RASGRF2: variants seen among roughly 807,000 people sequenced by gnomAD.
The protein encoded by RASGRF2 is Ras protein specific guanine nucleotide releasing factor 2, also known as ras-specific guanine nucleotide-releasing factor 2.
A neutral mutation model predicts 151.0 loss-of-function variants in RASGRF2; 76 were observed. That is an observed-to-expected ratio of 0.50 (90% CI 0.42 to 0.61). The LOEUF is 0.61. Among genes scored for constraint, RASGRF2 ranks in the 20% least tolerant of loss-of-function variants. The pLI is 0.00. For synonymous variants in RASGRF2, 504 were observed against 566.5 expected, an observed-to-expected ratio of 0.89 and a Z score of 1.57; for missense variants, 1,148 against 1,564.6, an observed-to-expected ratio of 0.73 and a Z score of 4.49.
At chr5:81,167,701 A>G (rs1185750693) in intron 17 of RASGRF2, among the ~76,000 whole-genome samples, 1 of 152,178 alleles carries the variant, frequency 6.6e-6, no homozygotes. Context: ...GGCTGCCTCC[A>G]GGGCACATGA....
chr5:81,031,092 G>A (rs566331685), intron 1 of RASGRF2, among the ~76,000 whole-genome samples: 128 of 152,178 alleles, frequency 8.4e-4, no homozygotes, highest in African/African-American at 2.7e-3. Context: ...TTCAACAAGA[G>A]GAGCTAACTA....
At chr5:81,182,440 C>A (rs1754937408) in intron 18 of RASGRF2, among the ~76,000 whole-genome samples, 1 of 152,200 alleles carries the variant, frequency 6.6e-6, no homozygotes. Context: ...GAGTACACGA[C>A]CGTGTGCAGG....
intron 17 of RASGRF2, among the ~76,000 whole-genome samples, chr5:81,160,440 G>A (rs952838616): frequency 2.7e-5 from 4 of 150,278 alleles, no homozygotes; most frequent in Non-Finnish European, 5.9e-5. Flanking sequence ...TAATAGCTGA[G>A]GCAGACAGAT....
intron 18 of RASGRF2, among the ~76,000 whole-genome samples, chr5:81,189,834 C>G (rs967018755): frequency 1.3e-5 from 2 of 151,888 alleles, no homozygotes; most frequent in Non-Finnish European, 2.9e-5. Flanking sequence ...GCCTCAGCCT[C>G]CCAAGTAGCT....
intron 18 of RASGRF2, among the ~76,000 whole-genome samples, chr5:81,185,650 C>T (rs1755010389): frequency 6.6e-6 from 1 of 152,084 alleles, no homozygotes; most frequent in South Asian, 2.1e-4. Context: ...GGGCTGGGCT[C>T]CCCTTACACT....
chr5:81,047,927 A>G (rs1433119899), intron 2 of RASGRF2, among the ~76,000 whole-genome samples: 1 of 152,198 alleles, frequency 6.6e-6, no homozygotes, highest in African/African-American at 2.4e-5. Context: ...CCAAACACCC[A>G]GAACCTAATG....
At chr5:81,057,778 T>A (rs1249081748) in intron 2 of RASGRF2, among the ~76,000 whole-genome samples, 1 of 152,038 alleles carries the variant, frequency 6.6e-6, no homozygotes, top group Non-Finnish European at 1.5e-5. Flanking sequence ...GTGGATCACT[T>A]GAGCTCAGGA....
At chr5:81,154,340 T>A (rs868360418) in intron 17 of RASGRF2, among the ~76,000 whole-genome samples, 3 of 152,184 alleles carry the variant, frequency 2.0e-5, no homozygotes, top group African/African-American at 7.2e-5. Flanking sequence ...AATCTTGAAC[T>A]CCTGGGCTCA....
rs549526972 is a variant in RASGRF2, at chr5:81,082,202, A to G, written c.1161+1413A>G. On this transcript the variant is annotated intron_variant, in intron 7 of 26. Coordinates refer to ENST00000265080, the MANE Select transcript of RASGRF2 (RefSeq NM_006909.3). ...GCCCCCTGATGTCTTTCTTCGTGCT[A>G]TTTAATTCCCTCTTGGTGTGATTTT... Among the ~76,000 whole-genome samples the G allele has an allele frequency of 1.1e-4, 16 of 152,278 alleles. No homozygotes were observed. The East Asian group carries it at 2.5e-3, about 24-fold the overall frequency.
chr5:81,097,748 G>C (rs1442509571), intron 12 of RASGRF2, among the ~76,000 whole-genome samples: 2 of 152,174 alleles, frequency 1.3e-5, no homozygotes, highest in African/African-American at 4.8e-5. Flanking sequence ...TACCATGAAA[G>C]GCAGTGTGGC....
In RASGRF2 at chr5:80,995,131, C is replaced by A. The variant is rs550469420; in HGVS notation, c.288+34105C>A. ...ATCACCCAGGCGCAGTGGCGGGTGC[C>A]TGTAGTCCCAGCTACTTAGGAGGCT... On this transcript the variant is annotated intron_variant, in intron 1 of 26. Coordinates refer to ENST00000265080, the MANE Select transcript of RASGRF2 (RefSeq NM_006909.3). 2.1e-3 allele frequency among the ~76,000 whole-genome samples: 315 copies of A among 151,810 alleles called. 1 individual carries two copies. The highest frequency in any genetic ancestry group is 1.6e-3 in the Non-Finnish European group (111 of 67,946).
At chr5:81,091,079 G>C (rs1752375856) in intron 9 of RASGRF2, among the ~76,000 whole-genome samples, 1 of 152,056 alleles carries the variant, frequency 6.6e-6, no homozygotes, top group African/African-American at 2.4e-5. Flanking sequence ...GAATCCCCTG[G>C]CTACATCACT....
Position 81,207,359 on chromosome 5 carries a change from A to AC in RASGRF2, c.3071+16dup, listed in dbSNP as rs756424427. The AC allele has an allele frequency of 6.2e-6, 10 of 1,606,030 alleles. No homozygotes were observed. Among genetic ancestry groups the AC allele is most frequent in the Non-Finnish European group, 6.8e-6 (8 of 1,173,070 alleles). ...GAAGCATTCCCTACGAGTGAGTGCC[A>AC]CCCCCCACAGCAGCAGGGCTCGGCT... On this transcript the variant is annotated intron_variant, in intron 21 of 26. Coordinates refer to ENST00000265080, the MANE Select transcript of RASGRF2 (RefSeq NM_006909.3).
At chr5:81,197,211 C>G (rs895905419) in intron 18 of RASGRF2, among the ~76,000 whole-genome samples, 1 of 150,742 alleles carries the variant, frequency 6.6e-6, no homozygotes, top group African/African-American at 2.4e-5. Flanking sequence ...AATCCCAGCA[C>G]TTTGGGAGGC....
intron 1 of RASGRF2, among the ~76,000 whole-genome samples, chr5:80,996,502 TTCC>T (rs754279122): frequency 0.079 from 4,651 of 58,604 alleles, 539 homozygotes; most frequent in Non-Finnish European, 0.13. Context: ...CTTCTTCTTC[TTCC>T]TCCTCCTCCT....
At chr5:81,099,779 A>C (rs368279987) in intron 12 of RASGRF2, among the ~76,000 whole-genome samples, 1 of 152,080 alleles carries the variant, frequency 6.6e-6, no homozygotes, top group African/African-American at 2.4e-5. Flanking sequence ...TTGTCTTTTT[A>C]TACTAGGTAG....
chr5:81,132,198 C>T (rs1185373045), intron 17 of RASGRF2, among the ~76,000 whole-genome samples: 2 of 152,100 alleles, frequency 1.3e-5, no homozygotes, highest in Non-Finnish European at 2.9e-5. Flanking sequence ...ACTGCAGTAT[C>T]CCCAATATCT....
intron 2 of RASGRF2, among the ~76,000 whole-genome samples, chr5:81,059,678 C>G (rs1229694442): frequency 5.3e-5 from 8 of 151,842 alleles, no homozygotes; most frequent in African/African-American, 1.9e-4. Context: ...AACCCCGTCT[C>G]TACTAAAAAT....
chr5:81,058,779 A>C (rs1246873552), intron 2 of RASGRF2, among the ~76,000 whole-genome samples: 1 of 146,612 alleles, frequency 6.8e-6, no homozygotes, highest in Non-Finnish European at 1.5e-5. Context: ...CTGTATCAAA[A>C]AAAAAAAAAA....
Sources: gnomAD v4.1 joint callset for allele counts (sites outside exome capture counted in the v4.1 genomes callset) on GRCh38, gnomAD v4.1.1 for gene constraint, MANE v1.5 for transcripts, NCBI Gene and HGNC (gene_info 2026-07-23, HGNC 2026-07-21) for gene names.